Variants in CLYBL observed in about 807,000 individuals in gnomAD.
CLYBL encodes the protein citramalyl-CoA lyase, mitochondrial.
Under a neutral mutation model 38.9 loss-of-function variants are expected in CLYBL, and 31 were observed. The ratio of observed to expected loss-of-function variants is 0.80; its 90% CI spans 0.60 to 1.08. The LOEUF (loss-of-function observed/expected upper bound fraction) is 1.08. Among genes scored for constraint, CLYBL ranks in the 50% least tolerant of loss-of-function variants. The pLI, the probability that CLYBL is intolerant of heterozygous loss-of-function variation, is 0.00. For synonymous variants in CLYBL, 171 were observed against 158.6 expected (o/e 1.08, Z -0.59); for missense variants, 434 against 411.6 (o/e 1.05, Z -0.47).
chr13:99,742,261 C>T (rs1351205407), intron 1 of CLYBL, among the ~76,000 whole-genome samples: 1 of 152,196 alleles, frequency 6.6e-6, no homozygotes, highest in Non-Finnish European at 1.5e-5. Flanking sequence ...AATTCCTTAC[C>T]ATTCAACAGC....
intron 1 of CLYBL, among the ~76,000 whole-genome samples, chr13:99,608,517 A>C (rs2046568498): frequency 6.6e-6 from 1 of 152,054 alleles, no homozygotes; most frequent in African/African-American, 2.4e-5. Flanking sequence ...GCCCTAGAGG[A>C]GCAGCTCAGG....
chr13:99,659,083 T>C (rs900980729), intron 1 of CLYBL, among the ~76,000 whole-genome samples: 1 of 152,222 alleles, frequency 6.6e-6, no homozygotes, highest in Non-Finnish European at 1.5e-5. Context: ...TTATGCTCTT[T>C]CCTAAACATA....
intron 1 of CLYBL, among the ~76,000 whole-genome samples, chr13:99,736,985 A>G (rs1384598413): frequency 6.6e-6 from 1 of 152,166 alleles, no homozygotes; most frequent in Non-Finnish European, 1.5e-5. Context: ...GCCAAAAAAA[A>G]CCCTTTAGAT....
intron 1 of CLYBL, among the ~76,000 whole-genome samples, chr13:99,746,040 T>TA (rs67623924): frequency 8.8e-5 from 4 of 45,652 alleles, no homozygotes; most frequent in African/African-American, 2.1e-4. Context: ...AAAAAAAAAA[T>TA]TTTTTTCAGA....
chr13:99,700,644 G>A (rs934304352), intron 1 of CLYBL, among the ~76,000 whole-genome samples: 2 of 152,114 alleles, frequency 1.3e-5, no homozygotes, highest in African/African-American at 2.4e-5. Context: ...GAGGGGCCCC[G>A]AAGCCTTGAT....
At chr13:99,840,750 CAAAAAAAA>C (rs59274056) in intron 2 of CLYBL, among the ~76,000 whole-genome samples, 5 of 16,788 alleles carry the variant, frequency 3.0e-4, no homozygotes, top group South Asian at 3.2e-3. Flanking sequence ...ACCCTTGTCT[CAAAAAAAA>C]AAAAAAAAAA....
intron 2 of CLYBL, among the ~76,000 whole-genome samples, chr13:99,857,088 G>C (rs2051476828): frequency 6.6e-6 from 1 of 151,662 alleles, no homozygotes; most frequent in Non-Finnish European, 1.5e-5. Flanking sequence ...GCTGAGGCGG[G>C]TGGATCACCT....
At chr13:99,839,322 A>G (rs1464017613) in intron 2 of CLYBL, among the ~76,000 whole-genome samples, 1 of 152,244 alleles carries the variant, frequency 6.6e-6, no homozygotes, top group African/African-American at 2.4e-5. Flanking sequence ...CAGAAGACCC[A>G]GGGAAACATA....
chr13:99,763,548 CTTTTTTT>C (rs59409196), intron 1 of CLYBL, among the ~76,000 whole-genome samples: 11 of 116,122 alleles, frequency 9.5e-5, no homozygotes, highest in African/African-American at 3.3e-4. Flanking sequence ...TCTTTTTATT[CTTTTTTT>C]TTTTTTTTTT....
chr13:99,666,299 C>T (rs1178976936), intron 1 of CLYBL, among the ~76,000 whole-genome samples: 1 of 152,128 alleles, frequency 6.6e-6, no homozygotes, highest in Non-Finnish European at 1.5e-5. Flanking sequence ...AAGCTTAGAT[C>T]TCAGTAAGGG....
In CLYBL at chr13:99,865,407, C is replaced by CTCTT. The variant is rs1445836591; in HGVS notation, c.634+497_634+500dup. ...AATTTCTCTTACAATATGTTTCGAA[C>CTCTT]TCTTAGTATTAAATGTGCTGATTTT... is the stretch of plus-strand genomic sequence containing the variant. On this transcript the variant is annotated intron_variant, in intron 5 of 8. Transcript: ENST00000339105. This position sits in a 1 kb window ranked among gnomAD's most constrained non-coding sequence, Gnocchi z 4.7. 6.6e-6 allele frequency among the ~76,000 whole-genome samples: 1 copy of CTCTT among 152,110 alleles called. No homozygotes were observed. The highest frequency in any genetic ancestry group is 2.4e-5 in the African/African-American group (1 of 41,424).
chr13:99,638,056 C>T (rs1293150514), intron 1 of CLYBL, among the ~76,000 whole-genome samples: 1 of 148,736 alleles, frequency 6.7e-6, no homozygotes, highest in Non-Finnish European at 1.5e-5. Flanking sequence ...CTCGACCACC[C>T]AGACTCCAGT....
chr13:99,714,573 C>G (rs867956453), intron 1 of CLYBL, among the ~76,000 whole-genome samples: 3 of 151,706 alleles, frequency 2.0e-5, no homozygotes, highest in Non-Finnish European at 4.4e-5. Flanking sequence ...GTGGAGACTG[C>G]GCCACTGCAC....
At chr13:99,799,404 C>T (rs1485407747) in intron 2 of CLYBL, among the ~76,000 whole-genome samples, 1 of 151,198 alleles carries the variant, frequency 6.6e-6, no homozygotes, top group Admixed American at 6.6e-5. Context: ...TACACACACA[C>T]TTAATAGTAT....
At chr13:99,628,401 G>A (rs7994919) in intron 1 of CLYBL, among the ~76,000 whole-genome samples, 4,276 of 152,250 alleles carry the variant, frequency 0.028, 199 homozygotes, top group African/African-American at 0.097. Context: ...AGCAGCCTTG[G>A]GAGTTGGAGC....
rs943519865 is a variant in CLYBL at position 99,702,218 on chromosome 13, C to G, written c.63-70606C>G. On this transcript the variant is annotated intron_variant, in intron 1 of 8. Coordinates refer to ENST00000339105, the MANE Select transcript of CLYBL (RefSeq NM_206808.5). ...CGAGCTCCTGGCCTCAAGTGATCCT[C>G]CTGTTTTGGCCTCCCAAAATGCTAA... 2.6e-5 allele frequency among the ~76,000 whole-genome samples: 4 copies of G among 152,260 alleles called. 1 individual carries two copies. In the East Asian group the frequency reaches 7.7e-4, roughly 29 times the overall value.
At chr13:99,681,180 G>A (rs1467851728) in intron 1 of CLYBL, among the ~76,000 whole-genome samples, 1 of 152,176 alleles carries the variant, frequency 6.6e-6, no homozygotes, top group Non-Finnish European at 1.5e-5. Flanking sequence ...AAAATAAATG[G>A]AGATAAAGTA....
intron 2 of CLYBL, among the ~76,000 whole-genome samples, chr13:99,800,790 C>T (rs2050115796): frequency 6.6e-6 from 1 of 151,520 alleles, no homozygotes; most frequent in South Asian, 2.1e-4. Flanking sequence ...AGGAGAATCG[C>T]GTGAGCCCAG....
chr13:99,749,184 A>G (rs1284506881), intron 1 of CLYBL, among the ~76,000 whole-genome samples: 1 of 152,058 alleles, frequency 6.6e-6, no homozygotes, highest in Non-Finnish European at 1.5e-5. Context: ...TGTCTCAAAA[A>G]AAAAAAAAGA....
Sources: allele counts gnomAD v4.1 joint callset (sites outside exome capture counted in the v4.1 genomes callset), GRCh38; gene constraint gnomAD v4.1.1; non-coding constraint Gnocchi (gnomAD v3.1); transcripts MANE v1.5; gene names NCBI Gene and HGNC (gene_info 2026-07-23, HGNC 2026-07-21).